The following ZBTB7C variants were observed in gnomAD, a reference collection of about 807,000 sequenced individuals.
The protein encoded by ZBTB7C is zinc finger and BTB domain containing 7C, also known as zinc finger and BTB domain-containing protein 7C.
In ZBTB7C, 8 loss-of-function variants were observed where a neutral mutation model predicts 25.7. The ratio of observed to expected loss-of-function variants is 0.31; its 90% CI spans 0.18 to 0.56. ZBTB7C has a LOEUF of 0.56. Ranked by LOEUF, ZBTB7C falls within the 20% of genes least tolerant of loss-of-function variation. ZBTB7C has a pLI of 0.91. For synonymous variants in ZBTB7C, 394 were observed against 369.0 expected (o/e 1.07, Z -0.78); for missense variants, 824 against 855.2 (o/e 0.96, Z 0.46).
intron 2 of ZBTB7C, among the ~76,000 whole-genome samples, chr18:48,240,032 G>A (rs1267289421): frequency 6.6e-6 from 1 of 151,886 alleles, no homozygotes; most frequent in Non-Finnish European, 1.5e-5. Context: ...CAATCACAAG[G>A]TCTGGAAATG....
intron 3 of ZBTB7C, among the ~76,000 whole-genome samples, chr18:48,160,619 A>C (rs1182302556): frequency 6.6e-6 from 1 of 152,208 alleles, no homozygotes; most frequent in Non-Finnish European, 1.5e-5. Flanking sequence ...CTGATGTATA[A>C]ATAGTGGCAA....
intron 1 of ZBTB7C, among the ~76,000 whole-genome samples, chr18:48,383,334 C>T (rs868661400): frequency 6.6e-6 from 1 of 152,118 alleles, no homozygotes; most frequent in Non-Finnish European, 1.5e-5. Context: ...GGCGCGAACT[C>T]GGCTCACTGC....
chr18:48,172,586 A>C lies in ZBTB7C; in HGVS notation c.-17+13348T>G, dbSNP rs568470043. ...GGACGCACCCGCCACATCGTTGCAC[A>C]CTTATTTTTCCCAAACACTTGACTG... is the stretch of plus-strand genomic sequence containing the variant. On this transcript the variant is annotated intron_variant, in intron 3 of 4. Coordinates refer to ENST00000590800, the MANE Select transcript of ZBTB7C (RefSeq NM_001318841.2). 5.3e-5 allele frequency among the ~76,000 whole-genome samples: 8 copies of C among 152,346 alleles called. 1 individual carries two copies. The East Asian group carries it at 1.5e-3, about 29-fold the overall frequency.
chr18:48,229,756 A>G (rs1319354911), intron 2 of ZBTB7C, among the ~76,000 whole-genome samples: 1 of 152,142 alleles, frequency 6.6e-6, no homozygotes, highest in African/African-American at 2.4e-5. Flanking sequence ...AGGCCCGAGG[A>G]AGACGTGGGG....
intron 3 of ZBTB7C, among the ~76,000 whole-genome samples, chr18:48,151,494 C>T (rs1411674711): frequency 1.3e-5 from 2 of 152,128 alleles, no homozygotes; most frequent in Non-Finnish European, 2.9e-5. Context: ...TCCGTCTCAC[C>T]ACAGCGCTGC....
intron 1 of ZBTB7C, among the ~76,000 whole-genome samples, chr18:48,406,974 T>G (rs180707844): frequency 1.4e-3 from 206 of 152,354 alleles, no homozygotes; most frequent in Non-Finnish European, 1.7e-3. Flanking sequence ...AAAATCAAAG[T>G]GGCCAACTCG....
At chr18:48,351,189 C>CT (rs2145040374) in intron 1 of ZBTB7C, among the ~76,000 whole-genome samples, 1 of 152,156 alleles carries the variant, frequency 6.6e-6, no homozygotes, top group African/African-American at 2.4e-5. Flanking sequence ...GATGGAAGCC[C>CT]TTTTTGACAG....
At chr18:48,373,886 A>G (rs1291913664) in intron 1 of ZBTB7C, among the ~76,000 whole-genome samples, 4 of 151,854 alleles carry the variant, frequency 2.6e-5, no homozygotes, top group Non-Finnish European at 4.4e-5. Context: ...GCGTGAGCCC[A>G]GGAAGTGGAG....
intron 1 of ZBTB7C, among the ~76,000 whole-genome samples, chr18:48,342,560 A>G (rs1423769386): frequency 1.3e-5 from 2 of 152,224 alleles, no homozygotes; most frequent in African/African-American, 4.8e-5. Flanking sequence ...AGAGAGTGTA[A>G]TCAATTCCCC....
chr18:48,197,741 C>T (rs1180408500), intron 2 of ZBTB7C, among the ~76,000 whole-genome samples: 1 of 152,198 alleles, frequency 6.6e-6, no homozygotes, highest in African/African-American at 2.4e-5. Flanking sequence ...GATGGACACT[C>T]ATCCCATGGG....
intron 2 of ZBTB7C, among the ~76,000 whole-genome samples, chr18:48,243,118 GC>G (rs1253341507): frequency 2.0e-5 from 3 of 151,914 alleles, no homozygotes; most frequent in African/African-American, 7.3e-5. Flanking sequence ...TAAAAAATTA[GC>G]TGGGCATGGT....
intron 2 of ZBTB7C, among the ~76,000 whole-genome samples, chr18:48,233,014 G>T (rs577921441): frequency 8.3e-4 from 126 of 152,268 alleles, no homozygotes; most frequent in African/African-American, 3.0e-3. Context: ...GAGGTGGCAG[G>T]GAGTAAGGAT....
At chr18:48,176,116 G>A (rs1197686002) in intron 3 of ZBTB7C, among the ~76,000 whole-genome samples, 1 of 152,176 alleles carries the variant, frequency 6.6e-6, no homozygotes, top group Admixed American at 6.5e-5. Context: ...GACACTGCCT[G>A]GACTGAGGGA....
At chr18:48,204,346 A>G (rs1469573649) in intron 2 of ZBTB7C, among the ~76,000 whole-genome samples, 2 of 152,058 alleles carry the variant, frequency 1.3e-5, no homozygotes, top group African/African-American at 4.8e-5. Context: ...TTACCTAGAT[A>G]CCCACTGCAC....
chr18:48,056,961 C>T (rs1051784270), intron 3 of ZBTB7C, among the ~76,000 whole-genome samples: 1 of 142,202 alleles, frequency 7.0e-6, no homozygotes, highest in Non-Finnish European at 1.5e-5. Flanking sequence ...ATATTTGAAA[C>T]ATATGATGAA....
intron 2 of ZBTB7C, among the ~76,000 whole-genome samples, chr18:48,293,086 G>C (rs2045280554): frequency 6.6e-6 from 1 of 152,164 alleles, no homozygotes; most frequent in Non-Finnish European, 1.5e-5. Context: ...ACAAACATTT[G>C]ATAAACAAGT....
At chr18:48,353,460 T>C (rs931537980) in intron 1 of ZBTB7C, among the ~76,000 whole-genome samples, 2 of 152,190 alleles carry the variant, frequency 1.3e-5, no homozygotes, top group Admixed American at 6.5e-5. Flanking sequence ...CCTGGTCTCC[T>C]TGTCATGGCA....
intron 4 of ZBTB7C, among the ~76,000 whole-genome samples, chr18:48,033,682 C>A (rs755205527): frequency 5.3e-5 from 8 of 152,198 alleles, no homozygotes; most frequent in Admixed American, 2.0e-4. Flanking sequence ...GTAAGTGACA[C>A]TATTAGCAGT....
intron 2 of ZBTB7C, among the ~76,000 whole-genome samples, chr18:48,258,688 C>T (rs1170180248): frequency 6.6e-6 from 1 of 151,830 alleles, no homozygotes; most frequent in Non-Finnish European, 1.5e-5. Flanking sequence ...GATGGAGTCC[C>T]GCTCTGTCAC....
Sources: allele counts gnomAD v4.1 joint callset (sites outside exome capture counted in the v4.1 genomes callset), GRCh38; gene constraint gnomAD v4.1.1; transcripts MANE v1.5; gene names NCBI Gene and HGNC (gene_info 2026-07-23, HGNC 2026-07-21).